The following STXBP6 variants were observed in gnomAD, a reference collection of about 807,000 sequenced individuals.
STXBP6 encodes syntaxin-binding protein 6.
STXBP6 carries 21 observed loss-of-function variants against 26.9 expected under a neutral mutation model. The observed-to-expected ratio is 0.78, with a 90% CI of 0.55 to 1.12. The LOEUF is 1.12. Among genes scored for constraint, STXBP6 ranks in the 50% most tolerant of loss-of-function variants. The pLI is 0.00. For missense variants in STXBP6, 232 were observed against 257.9 expected, an observed-to-expected ratio of 0.90 and a Z score of 0.69; for synonymous variants, 97 against 92.6, an observed-to-expected ratio of 1.05 and a Z score of -0.27.
chr14:24,879,499 A>G (rs1372297069), intron 2 of STXBP6, among the ~76,000 whole-genome samples: 1 of 152,024 alleles, frequency 6.6e-6, no homozygotes, highest in Non-Finnish European at 1.5e-5. Context: ...AGTGTGGATC[A>G]ATATTTCTTT....
chr14:24,862,286 C>A (rs573048579), intron 2 of STXBP6, among the ~76,000 whole-genome samples: 1 of 152,274 alleles, frequency 6.6e-6, no homozygotes, highest in East Asian at 1.9e-4. Context: ...GTGTGAGCCA[C>A]CATGCCCGAC....
intron 2 of STXBP6, among the ~76,000 whole-genome samples, chr14:24,958,055 T>C (rs1566509916): frequency 6.6e-6 from 1 of 152,200 alleles, no homozygotes; most frequent in Admixed American, 6.5e-5. Context: ...GAACTCTATC[T>C]TTTTAAAACT....
At chr14:24,913,829 A>G (rs1415791385) in intron 2 of STXBP6, among the ~76,000 whole-genome samples, 1 of 152,212 alleles carries the variant, frequency 6.6e-6, no homozygotes. Flanking sequence ...AATGGAATAA[A>G]GTGGTCCCCA....
intron 1 of STXBP6, among the ~76,000 whole-genome samples, chr14:25,017,911 A>AATTCAGTAG (rs1160374314): frequency 6.6e-6 from 1 of 152,124 alleles, no homozygotes; most frequent in East Asian, 1.9e-4. Context: ...CAGTAGCTCA[A>AATTCAGTAG]ATTCAGTAGT....
intron 1 of STXBP6, among the ~76,000 whole-genome samples, chr14:25,013,792 G>T (rs1386647901): frequency 6.7e-6 from 1 of 150,172 alleles, no homozygotes; most frequent in African/African-American, 2.4e-5. Flanking sequence ...TGAATCCACA[G>T]ATTAAAAGGG....
intron 2 of STXBP6, among the ~76,000 whole-genome samples, chr14:24,953,280 T>C (rs2140072315): frequency 6.6e-6 from 1 of 152,294 alleles, no homozygotes; most frequent in South Asian, 2.1e-4. Flanking sequence ...CAGGGTAACC[T>C]CAGCTGAAAA....
intron 2 of STXBP6, among the ~76,000 whole-genome samples, chr14:24,942,961 T>C (rs2072856100): frequency 6.6e-6 from 1 of 152,110 alleles, no homozygotes; most frequent in Non-Finnish European, 1.5e-5. Flanking sequence ...TTAAGAAAAG[T>C]GAAAATTCAG....
chr14:24,869,901 AG>A (rs2069866473), intron 2 of STXBP6, among the ~76,000 whole-genome samples: 1 of 152,208 alleles, frequency 6.6e-6, no homozygotes, highest in Non-Finnish European at 1.5e-5. Context: ...CATGGGGTTC[AG>A]GGATAGAGCT....
chr14:24,972,599 C>A (rs1449468462), intron 2 of STXBP6, among the ~76,000 whole-genome samples: 1 of 152,216 alleles, frequency 6.6e-6, no homozygotes, highest in Admixed American at 6.5e-5. Context: ...GGTATCCATA[C>A]TAGGCCGATG....
chr14:25,003,043 A>C (rs1406275479), intron 1 of STXBP6, among the ~76,000 whole-genome samples: 1 of 152,218 alleles, frequency 6.6e-6, no homozygotes, highest in African/African-American at 2.4e-5. Flanking sequence ...ACAGATTCTT[A>C]AATGTAAAGG....
intron 2 of STXBP6, among the ~76,000 whole-genome samples, chr14:24,948,774 T>C (rs1053485976): frequency 6.6e-6 from 1 of 152,222 alleles, no homozygotes; most frequent in Admixed American, 6.5e-5. Context: ...GAATATTTTG[T>C]CTCAGTATAA....
intron 1 of STXBP6, among the ~76,000 whole-genome samples, chr14:25,026,377 C>T (rs2075350200): frequency 6.6e-6 from 1 of 152,146 alleles, no homozygotes; most frequent in Admixed American, 6.5e-5. Flanking sequence ...TCCCCTAAAG[C>T]CAGGTGTGCT....
chr14:24,930,839 C>T (rs1434467988), intron 2 of STXBP6, among the ~76,000 whole-genome samples: 12 of 151,962 alleles, frequency 7.9e-5, no homozygotes, highest in African/African-American at 2.2e-4. Flanking sequence ...CGGCCGGGCG[C>T]GGTGGCTCAC....
intron 2 of STXBP6, among the ~76,000 whole-genome samples, chr14:24,882,354 G>T (rs1402630974): frequency 3.8e-5 from 4 of 106,048 alleles, no homozygotes; most frequent in African/African-American, 1.4e-4. Context: ...ACTCCAGCCT[G>T]GGCGACAGAG....
intron 2 of STXBP6, among the ~76,000 whole-genome samples, chr14:24,937,617 C>T (rs2072648753): frequency 6.6e-6 from 1 of 151,816 alleles, no homozygotes; most frequent in Non-Finnish European, 1.5e-5. Flanking sequence ...ATGTAAAACA[C>T]ATATATATAT....
At chr14:25,020,949 T>C (rs1327882496) in intron 1 of STXBP6, among the ~76,000 whole-genome samples, 3 of 152,154 alleles carry the variant, frequency 2.0e-5, no homozygotes, top group African/African-American at 7.2e-5. Context: ...CGCAGGCAGA[T>C]TCGTGAGTAC....
At chr14:25,011,976 C>G (rs1386327312) in intron 1 of STXBP6, among the ~76,000 whole-genome samples, 2 of 152,126 alleles carry the variant, frequency 1.3e-5, no homozygotes, top group East Asian at 3.9e-4. Context: ...ATTCGGAGTA[C>G]TGGCTGTTTT....
chr14:24,970,829 G>C lies in STXBP6; in HGVS notation c.154+3836C>G, dbSNP rs58932553. Among the ~76,000 whole-genome samples, 1,435 of 152,300 alleles carry C rather than the reference G, an allele frequency of 9.4e-3. 20 individuals are homozygous for C. Among genetic ancestry groups the C allele is most frequent in the African/African-American group, 0.031 (1,301 of 41,560 alleles). Reference sequence around the variant, plus strand: ...TCATTTTTACATTCCCATCAGCAAAGTATGAGAGCTCAAATTGCTTCGCAT... The same window carrying C: ...TCATTTTTACATTCCCATCAGCAAACTATGAGAGCTCAAATTGCTTCGCAT... On this transcript the variant is annotated intron_variant, in intron 2 of 5. Transcript: ENST00000323944.
chr14:25,034,240 G>C (rs1363314901), intron 1 of STXBP6, among the ~76,000 whole-genome samples: 2 of 152,096 alleles, frequency 1.3e-5, no homozygotes, highest in African/African-American at 4.8e-5. Context: ...AGGTAAACTT[G>C]ACCCCTAACA....
Sources: allele counts gnomAD v4.1 joint callset (sites outside exome capture counted in the v4.1 genomes callset), GRCh38; gene constraint gnomAD v4.1.1; transcripts MANE v1.5; gene names NCBI Gene and HGNC (gene_info 2026-07-23, HGNC 2026-07-21).